Variants in TRPA1 observed in about 807,000 individuals in gnomAD.
TRPA1 encodes the protein transient receptor potential cation channel subfamily A member 1.
In TRPA1, 129 loss-of-function variants were observed where a neutral mutation model predicts 131.3. That is an observed-to-expected ratio of 0.98 (90% confidence interval 0.85 to 1.14). The LOEUF (loss-of-function observed/expected upper bound fraction) is 1.14, where lower values mean the gene tolerates loss of function less well. Ranked by LOEUF, TRPA1 falls within the 50% of genes most tolerant of loss-of-function variation. The probability of loss-of-function intolerance (pLI) is 0.00; values close to 1 mark genes in which losing one functional copy is unlikely to be tolerated. For synonymous variants in TRPA1, 441 were observed against 451.7 expected (o/e 0.98, Z 0.30); for missense variants, 1,304 against 1,354.2 (o/e 0.96, Z 0.58).
At chr8:72,034,166 TC>T in intron 22 of TRPA1, 81 bp downstream of exon 22, 1 of 1,347,392 alleles carries the variant, frequency 7.4e-7, no homozygotes, top group South Asian at 1.4e-5. Context: ...TTATGCATTT[TC>T]TAGACTATTT....
Position 72,067,700 on chromosome 8 carries a change from C to T in TRPA1, c.444+1323G>A, listed in dbSNP as rs138765082. ...CATGAGGAAATATTTGATATCTCTG[C>T]GGGAGTCCCTGTAGTCACTAGTGGC... On this transcript the variant is annotated intron_variant, in intron 3 of 26. Transcript: ENST00000262209. Among the ~76,000 whole-genome samples, 247 of 152,286 alleles carry T rather than the reference C, an allele frequency of 1.6e-3. 4 individuals carry two copies. The highest frequency in any genetic ancestry group is 5.3e-3 in the African/African-American group (219 of 41,554).
At chr8:72,077,534 C>G (rs1043869808), upstream of TRPA1, among the ~76,000 whole-genome samples, 1 of 152,204 alleles carries the variant, frequency 6.6e-6, no homozygotes, top group Admixed American at 6.5e-5. Flanking sequence ...TTTTTTCCTG[C>G]TTTCTGCTTA....
chr8:72,044,701 AT>A (rs906983028), intron 17 of TRPA1, among the ~76,000 whole-genome samples: 1 of 151,870 alleles, frequency 6.6e-6, no homozygotes, highest in African/African-American at 2.4e-5. Context: ...TATGTTCTCT[AT>A]TTGGTGCATC....
intron 9 of TRPA1, 52 bp from the exon 10 acceptor site, chr8:72,057,069 T>C (rs1359519351): frequency 7.8e-6 from 11 of 1,408,142 alleles, no homozygotes; most frequent in East Asian, 7.5e-5. Context: ...TTTAAAGCAA[T>C]GTTTACGTGG....
intron 6 of TRPA1, among the ~76,000 whole-genome samples, chr8:72,062,072 A>G (rs563420041): frequency 7.2e-5 from 11 of 152,200 alleles, no homozygotes; most frequent in African/African-American, 2.4e-4. Flanking sequence ...TGTCCCATTC[A>G]TTGCTGTAAG....
At chr8:72,057,845 G>C (rs1333043076) in intron 8 of TRPA1, 29 bp from the exon 9 acceptor site, 1 of 1,511,604 alleles carries the variant, frequency 6.6e-7, no homozygotes, top group Admixed American at 1.7e-5. Flanking sequence ...ATTCAACAAA[G>C]AGCTTAGAAA....
intron 1 of TRPA1, 71 bp downstream of exon 1, chr8:72,075,228 C>T (rs1806146245): frequency 8.2e-7 from 1 of 1,217,136 alleles, no homozygotes; most frequent in Non-Finnish European, 1.2e-6. Context: ...AAGGGCTGCC[C>T]CCAAGGAAAC....
At position 72,046,495 on chromosome 8, in the gene TRPA1, T is replaced by C; in HGVS notation, c.2061+18A>G. The C allele has an allele frequency of 2.8e-6, 4 of 1,431,678 alleles. No homozygotes were observed. Among genetic ancestry groups the C allele is most frequent in the Non-Finnish European group, 3.9e-6 (4 of 1,037,296 alleles). 88.7% of individuals were successfully genotyped at this position (1,431,678 alleles called of 1,614,324 possible). A position where few individuals can be genotyped will look rare whatever the true frequency, so the allele number is the denominator to read the frequency against. ...GAAAAAAAAGAAACTATTTAGATAATGAAAACATTGAACTTACGTTGAGGG... is the reference window on the plus strand; with the variant it reads ...GAAAAAAAAGAAACTATTTAGATAACGAAAACATTGAACTTACGTTGAGGG... On this transcript the variant is annotated intron_variant, in intron 17 of 26. Coordinates refer to ENST00000262209, the MANE Select transcript of TRPA1 (RefSeq NM_007332.3).
intron 17 of TRPA1, among the ~76,000 whole-genome samples, chr8:72,045,744 C>T (rs1290096019): frequency 6.6e-6 from 1 of 151,782 alleles, no homozygotes; most frequent in Non-Finnish European, 1.5e-5. Flanking sequence ...GCCTAAGTTA[C>T]TTGGCTGTTA....
the TRPA1 span, among the ~76,000 whole-genome samples, chr8:72,088,684 T>C: frequency 6.6e-6 from 1 of 152,154 alleles, no homozygotes; most frequent in African/African-American, 2.4e-5. Context: ...TTGTTTAATA[T>C]GGATAAGTAA....
At chr8:72,047,403 C>T (rs1262008804) in intron 15 of TRPA1, among the ~76,000 whole-genome samples, 196 bp from the exon 16 acceptor site, 2 of 151,996 alleles carry the variant, frequency 1.3e-5, no homozygotes, top group African/African-American at 2.4e-5. Context: ...CCTCTGCATG[C>T]CTCAGAAATA....
chr8:72,068,283 T>C (rs1414781546), intron 3 of TRPA1, among the ~76,000 whole-genome samples: 1 of 152,222 alleles, frequency 6.6e-6, no homozygotes, highest in East Asian at 1.9e-4. Flanking sequence ...ATGCTCCATT[T>C]GTAAATTGCA....
In TRPA1 at chr8:72,057,777, G is replaced by A. The variant is rs1805707518; in HGVS notation, c.1033C>T (p.Pro345Ser). The A allele has an allele frequency of 1.2e-6, 2 of 1,613,930 alleles. No individual in the cohort carries two copies. Among genetic ancestry groups the A allele is most frequent in the Non-Finnish European group, 1.7e-6 (2 of 1,179,918 alleles). Reference protein sequence around the residue: ...INKIDSEGRSPLILATASASW... With the variant: ...INKIDSEGRSSLILATASASW... Reference sequence around the variant, plus strand: ...GCAGAAGCAGTTGCTAATATAAGTGGAGAGCGTCCTTCAGAATCGATCTTA... The same window carrying A: ...GCAGAAGCAGTTGCTAATATAAGTGAAGAGCGTCCTTCAGAATCGATCTTA... The change falls in exon 9 of 27, where the codon CCA becomes TCA. Residue 345 changes from proline to serine, a missense_variant. Coordinates refer to ENST00000262209, the MANE Select transcript of TRPA1 (RefSeq NM_007332.3).
chr8:72,034,482 T>G lies in TRPA1; in HGVS notation c.2556-105A>C, dbSNP rs942849644. ...TAAACCAGGTATTAGATTTCACAGA[T>G]GAGATCACTGAGGCCAGTTATTTTG... is the stretch of plus-strand genomic sequence containing the variant. On this transcript the variant is annotated intron_variant, in intron 21 of 26. Transcript: ENST00000262209. 4.7e-6 allele frequency: 3 copies of G among 643,682 alleles called. No homozygotes were observed. The South Asian group carries it at 7.4e-5, about 16-fold the overall frequency. The allele number at this position is 643,682 out of a possible 1,614,324, so 39.9% of individuals were successfully genotyped here.
chr8:72,063,673 G>A (rs1805863688), intron 4 of TRPA1, 102 bp from the exon 5 acceptor site: 3 of 768,078 alleles, frequency 3.9e-6, no homozygotes, highest in Admixed American at 2.0e-5. Flanking sequence ...ACTATTATAT[G>A]TCTATGTAAA....
chr8:72,055,273 C>A (rs1805633675), intron 12 of TRPA1, 163 bp downstream of exon 12: 1 of 643,740 alleles, frequency 1.6e-6, no homozygotes. Flanking sequence ...ACTTCCCTTT[C>A]AGTATTTTTA....
chr8:72,062,390 C>T (rs554096525), intron 6 of TRPA1: 5 of 197,096 alleles, frequency 2.5e-5, no homozygotes, highest in African/African-American at 7.1e-5. Flanking sequence ...ACAGTCAACA[C>T]GTTCACATAC....
intron 15 of TRPA1, among the ~76,000 whole-genome samples, chr8:72,050,189 T>A (rs549313111): frequency 1.4e-4 from 21 of 152,196 alleles, no homozygotes; most frequent in African/African-American, 5.1e-4. Flanking sequence ...TGAGAACATG[T>A]GGCGTTTGGT....
At chr8:72,034,761 C>G (rs546372887) in intron 21 of TRPA1, among the ~76,000 whole-genome samples, 9 of 152,222 alleles carry the variant, frequency 5.9e-5, no homozygotes, top group Non-Finnish European at 1.2e-4. Context: ...CCAGGCTGAT[C>G]GTGAACTGCT....
Sources: gnomAD v4.1 joint callset for allele counts (sites outside exome capture counted in the v4.1 genomes callset) on GRCh38, gnomAD v4.1.1 for gene constraint, MANE v1.5 for transcripts, NCBI Gene and HGNC (gene_info 2026-07-23, HGNC 2026-07-21) for gene names.